SPATA17: variants seen among roughly 807,000 people sequenced by gnomAD.
The protein encoded by SPATA17 is spermatogenesis associated 17, also known as spermatogenesis-associated protein 17.
Under a neutral mutation model 62.2 loss-of-function variants are expected in SPATA17, and 53 were observed. That is an observed-to-expected ratio of 0.85 (90% CI 0.68 to 1.07). The LOEUF (loss-of-function observed/expected upper bound fraction) is 1.07, where lower values mean the gene tolerates loss of function less well. SPATA17 is among the 50% of genes least tolerant of loss of function. The pLI is 0.00. For synonymous variants in SPATA17, 146 were observed against 146.8 expected, an observed-to-expected ratio of 0.99 and a Z score of 0.04; for missense variants, 466 against 425.5, an observed-to-expected ratio of 1.10 and a Z score of -0.84.
intron 5 of SPATA17, among the ~76,000 whole-genome samples, chr1:217,696,986 C>G (rs747298709): frequency 4.6e-5 from 7 of 152,088 alleles, no homozygotes; most frequent in Non-Finnish European, 1.0e-4. Flanking sequence ...TTGCAGGTGA[C>G]TCCTCTTTGT....
At position 217,697,628 on chromosome 1, in the gene SPATA17, T is replaced by C. The variant is rs148202018; in HGVS notation, c.395+14267T>C. ...AAAATATATTATCTTTTTTATAATA[T>C]AGAGCTCAAAGTTTCTTCTTTAATA... On this transcript the variant is annotated intron_variant, in intron 5 of 10. Transcript: ENST00000366933. Among the ~76,000 whole-genome samples, 1,254 of 152,214 alleles carry C rather than the reference T, an allele frequency of 8.2e-3. 18 individuals carry two copies. Among genetic ancestry groups the C allele is most frequent in the African/African-American group, 0.028 (1,174 of 41,574 alleles).
intron 9 of SPATA17, among the ~76,000 whole-genome samples, chr1:217,831,181 G>A (rs1470312964): frequency 6.6e-6 from 1 of 152,052 alleles, no homozygotes; most frequent in East Asian, 1.9e-4. Context: ...AAATTAGATG[G>A]TAGTTATTAT....
chr1:217,641,915 G>A (rs1240954655), intron 1 of SPATA17, among the ~76,000 whole-genome samples: 1 of 152,108 alleles, frequency 6.6e-6, no homozygotes, highest in Non-Finnish European at 1.5e-5. Flanking sequence ...TGTTTGTCTT[G>A]TCTCTTTAGT....
At chr1:217,834,155 G>A (rs1177611286) in intron 9 of SPATA17, among the ~76,000 whole-genome samples, 2 of 152,104 alleles carry the variant, frequency 1.3e-5, no homozygotes, top group Non-Finnish European at 2.9e-5. Context: ...TCACACATCT[G>A]GGGTGATGCT....
At chr1:217,822,012 A>T (rs1385191913) in intron 9 of SPATA17, among the ~76,000 whole-genome samples, 1 of 152,102 alleles carries the variant, frequency 6.6e-6, no homozygotes, top group Non-Finnish European at 1.5e-5. Context: ...ATAGAGAGAG[A>T]CTAGGGATTG....
chr1:217,808,391 G>A (rs563801257), intron 9 of SPATA17, among the ~76,000 whole-genome samples: 1 of 146,650 alleles, frequency 6.8e-6, no homozygotes, highest in South Asian at 2.2e-4. Context: ...ACCCCCCTCA[G>A]AATTTATACA....
At chr1:217,676,266 C>G (rs942590531) in intron 4 of SPATA17, among the ~76,000 whole-genome samples, 1 of 152,092 alleles carries the variant, frequency 6.6e-6, no homozygotes, top group African/African-American at 2.4e-5. Flanking sequence ...CCTTCCTGCT[C>G]CAATTTTAAA....
intron 1 of SPATA17, among the ~76,000 whole-genome samples, chr1:217,639,984 T>G (rs1422596815): frequency 6.6e-6 from 1 of 151,922 alleles, no homozygotes; most frequent in Non-Finnish European, 1.5e-5. Context: ...ATTAGTAAAT[T>G]TATTCATCTG....
intron 5 of SPATA17, among the ~76,000 whole-genome samples, chr1:217,715,798 A>G (rs1227869897): frequency 1.3e-5 from 2 of 152,152 alleles, no homozygotes; most frequent in East Asian, 3.9e-4. Context: ...TTCCGCTGTT[A>G]TACTGTCAGT....
intron 5 of SPATA17, among the ~76,000 whole-genome samples, chr1:217,740,785 T>G (rs908700442): frequency 1.3e-5 from 2 of 152,156 alleles, no homozygotes; most frequent in African/African-American, 2.4e-5. Context: ...CTGACTCCTT[T>G]TTTCATATTA....
intron 7 of SPATA17, among the ~76,000 whole-genome samples, chr1:217,778,374 A>G (rs1673645417): frequency 6.6e-6 from 1 of 152,102 alleles, no homozygotes. Context: ...TACAAAAATT[A>G]GCCGGGCATG....
At chr1:217,780,824 C>T (rs914744576) in intron 7 of SPATA17, among the ~76,000 whole-genome samples, 3 of 152,088 alleles carry the variant, frequency 2.0e-5, no homozygotes, top group Non-Finnish European at 2.9e-5. Flanking sequence ...AAGAGAAATT[C>T]TGTGATGTAG....
intron 5 of SPATA17, among the ~76,000 whole-genome samples, chr1:217,741,694 T>C (rs1031533623): frequency 1.6e-4 from 24 of 152,194 alleles, no homozygotes; most frequent in African/African-American, 5.8e-4. Context: ...ACCCTGATAA[T>C]TTAGTAAGAC....
At chr1:217,851,511 A>G (rs1307814294) in intron 9 of SPATA17, among the ~76,000 whole-genome samples, 1 of 152,178 alleles carries the variant, frequency 6.6e-6, no homozygotes, top group Non-Finnish European at 1.5e-5. Context: ...AAAAACTGTG[A>G]CAGAACTATT....
intron 5 of SPATA17, among the ~76,000 whole-genome samples, chr1:217,714,502 T>TTTTTTTTTTTTTTG (rs1294219534): frequency 2.0e-5 from 3 of 148,604 alleles, no homozygotes; most frequent in African/African-American, 4.9e-5. Context: ...TTTTTTTTTT[T>TTTTTTTTTTTTTTG]GAGACAGAGT....
intron 10 of SPATA17, among the ~76,000 whole-genome samples, chr1:217,865,544 T>TA (rs1427873062): frequency 1.3e-5 from 2 of 152,234 alleles, no homozygotes; most frequent in Non-Finnish European, 2.9e-5. Flanking sequence ...TTTGTCTTTT[T>TA]AAATGGTCAC....
chr1:217,669,592 G>A (rs934730149), intron 4 of SPATA17, among the ~76,000 whole-genome samples: 7 of 152,006 alleles, frequency 4.6e-5, no homozygotes, highest in African/African-American at 1.2e-4. Context: ...GCTTGAACTC[G>A]GTTTCTGCAC....
At chr1:217,830,910 C>G (rs1442362332) in intron 9 of SPATA17, among the ~76,000 whole-genome samples, 1 of 151,978 alleles carries the variant, frequency 6.6e-6, no homozygotes, top group East Asian at 1.9e-4. Flanking sequence ...GCTTGGGCAG[C>G]AAGTGACTTT....
chr1:217,768,073 C>T (rs1673346815), intron 6 of SPATA17, among the ~76,000 whole-genome samples: 3 of 152,032 alleles, frequency 2.0e-5, no homozygotes, highest in Non-Finnish European at 2.9e-5. Context: ...GGTGAAACCT[C>T]GTTTTTACTA....
Sources: gnomAD v4.1 joint callset for allele counts (sites outside exome capture counted in the v4.1 genomes callset) on GRCh38, gnomAD v4.1.1 for gene constraint, MANE v1.5 for transcripts, NCBI Gene and HGNC (gene_info 2026-07-23, HGNC 2026-07-21) for gene names.